The following KCNH1 variants were observed in gnomAD, a reference collection of about 807,000 sequenced individuals.
KCNH1 encodes the protein voltage-gated delayed rectifier potassium channel KCNH1.
Under a neutral mutation model 69.2 loss-of-function variants are expected in KCNH1, and 27 were observed. That is an observed-to-expected ratio of 0.39 (90% CI 0.29 to 0.54). The LOEUF is 0.54. Among genes scored for constraint, KCNH1 ranks in the 20% least tolerant of loss-of-function variants. The pLI is 0.68. For missense variants in KCNH1, 798 were observed against 1,261.6 expected (o/e 0.63, Z 5.57); for synonymous variants, 456 against 487.7 (o/e 0.93, Z 0.86).
At chr1:210,756,838 T>C (rs1683410486) in intron 10 of KCNH1, among the ~76,000 whole-genome samples, 1 of 152,192 alleles carries the variant, frequency 6.6e-6, no homozygotes, top group African/African-American at 2.4e-5. Flanking sequence ...CCTTCTGGTG[T>C]CTTCAAGCAG....
At chr1:210,836,963 T>G (rs1685295502) in intron 7 of KCNH1, among the ~76,000 whole-genome samples, 1 of 152,220 alleles carries the variant, frequency 6.6e-6, no homozygotes, top group African/African-American at 2.4e-5. Context: ...TAGCCCATTC[T>G]GTACAACATC....
At chr1:210,877,615 A>C (rs1370407842) in intron 7 of KCNH1, among the ~76,000 whole-genome samples, 1 of 152,208 alleles carries the variant, frequency 6.6e-6, no homozygotes, top group Non-Finnish European at 1.5e-5. Context: ...CATACAATTT[A>C]TTCAATCCAT....
At chr1:210,995,425 T>G (rs947290397) in intron 6 of KCNH1, among the ~76,000 whole-genome samples, 1 of 151,996 alleles carries the variant, frequency 6.6e-6, no homozygotes. Context: ...TGGGAAAAAA[T>G]AAACCCCTAT....
At chr1:211,009,566 G>A (rs922449773) in intron 6 of KCNH1, among the ~76,000 whole-genome samples, 23 of 151,794 alleles carry the variant, frequency 1.5e-4, no homozygotes, top group Non-Finnish European at 8.8e-5. Flanking sequence ...GCCACAAAGT[G>A]GATTTAGTTA....
intron 7 of KCNH1, among the ~76,000 whole-genome samples, chr1:210,824,099 A>G (rs539594205): frequency 1.3e-5 from 2 of 151,932 alleles, no homozygotes; most frequent in East Asian, 3.9e-4. Context: ...CTATACCCCG[A>G]CCTCTTGCTC....
At chr1:211,026,989 T>G (rs951711658) in intron 5 of KCNH1, among the ~76,000 whole-genome samples, 15 of 152,134 alleles carry the variant, frequency 9.9e-5, no homozygotes, top group Admixed American at 6.5e-4. Context: ...ATATTAAACC[T>G]AAAATTCAAA....
chr1:210,891,859 T>G (rs902762902), intron 7 of KCNH1, among the ~76,000 whole-genome samples: 1 of 152,160 alleles, frequency 6.6e-6, no homozygotes, highest in Admixed American at 6.5e-5. Context: ...GTGGCACATA[T>G]TCACCGTGGA....
chr1:210,914,881 G>A (rs1687304361), intron 7 of KCNH1, among the ~76,000 whole-genome samples: 1 of 152,154 alleles, frequency 6.6e-6, no homozygotes, highest in Admixed American at 6.6e-5. Flanking sequence ...CTTGGGGGTG[G>A]AGAGTGTCTG....
intron 6 of KCNH1, among the ~76,000 whole-genome samples, chr1:210,970,052 A>T (rs908638008): frequency 6.6e-6 from 1 of 151,650 alleles, no homozygotes; most frequent in African/African-American, 2.4e-5. Context: ...ACATGCCACC[A>T]CACCAAACTA....
rs1538756 is a variant in KCNH1, at chr1:210,719,980, G to A, written c.2113-35842C>T. 4.3e-3 allele frequency among the ~76,000 whole-genome samples: 653 copies of A among 152,164 alleles called. 18 individuals are homozygous for A. The East Asian group carries it at 0.048, about 11-fold the overall frequency. ...GTGTAAATGTCTGTGTGTCCCTCCC[G>A]TCTTTCCTATATTCCTCTTAAATGC... On this transcript the variant is annotated intron_variant, in intron 10 of 10. Coordinates refer to ENST00000271751, the MANE Select transcript of KCNH1 (RefSeq NM_172362.3).
chr1:210,797,571 G>A lies in KCNH1; in HGVS notation c.1852C>T (p.Leu618Phe). ...AGGGAGCCAGAAACCACAAAGCAGA[G>A]GCTGTCAACGCTCTCTCCTGCATGG... is the stretch of plus-strand genomic sequence containing the variant. ...IYHAGESVDS[L>F]CFVVSGSLEV... Residue 618 changes from leucine to phenylalanine, a missense_variant, in exon 9 of 11, where the codon CTC (leucine) becomes TTC (phenylalanine). Leu to Phe is a conservative substitution (Grantham distance 22, BLOSUM62 0). Coordinates refer to ENST00000271751, the MANE Select transcript of KCNH1 (RefSeq NM_172362.3). 6.2e-7 allele frequency: 1 copy of A among 1,614,190 alleles called. No homozygotes were observed. The highest frequency in any genetic ancestry group is 8.5e-7 in the Non-Finnish European group (1 of 1,180,034).
intron 5 of KCNH1, among the ~76,000 whole-genome samples, chr1:211,029,396 T>C (rs1359100580): frequency 3.3e-5 from 3 of 92,120 alleles, no homozygotes; most frequent in Non-Finnish European, 6.6e-5. Flanking sequence ...GCTGGCTCAA[T>C]ATTGAAAAAA....
chr1:210,859,587 C>T, intron 7 of KCNH1: 2 of 1,531,606 alleles, frequency 1.3e-6, no homozygotes, highest in Admixed American at 1.7e-5. Context: ...CATCACTCCC[C>T]AGTTCCTCGG....
chr1:211,093,475 G>A (rs1691091749), intron 3 of KCNH1, among the ~76,000 whole-genome samples: 1 of 152,038 alleles, frequency 6.6e-6, no homozygotes, highest in Non-Finnish European at 1.5e-5. Context: ...TGGTAGAGAT[G>A]GTGTTTCACT....
At chr1:211,092,141 T>C (rs1187337762) in intron 3 of KCNH1, among the ~76,000 whole-genome samples, 1 of 152,220 alleles carries the variant, frequency 6.6e-6, no homozygotes, top group Non-Finnish European at 1.5e-5. Flanking sequence ...GTGCTCAGCA[T>C]TTTACATATA....
At chr1:210,856,807 ATATAT>A (rs1456004631) in intron 7 of KCNH1, among the ~76,000 whole-genome samples, 1 of 111,758 alleles carries the variant, frequency 8.9e-6, no homozygotes, top group Non-Finnish European at 2.1e-5. Flanking sequence ...ATATTTATAT[ATATAT>A]TATATATATT....
At chr1:211,032,800 A>G (rs1571593784) in intron 5 of KCNH1, among the ~76,000 whole-genome samples, 1 of 152,256 alleles carries the variant, frequency 6.6e-6, no homozygotes, top group Non-Finnish European at 1.5e-5. Flanking sequence ...ACCTAAAACC[A>G]TAAAAACCCT....
intron 6 of KCNH1, among the ~76,000 whole-genome samples, chr1:210,979,952 G>A (rs1189433689): frequency 6.6e-6 from 1 of 152,090 alleles, no homozygotes; most frequent in African/African-American, 2.4e-5. Context: ...AATATCTTTA[G>A]CTTCTGACAA....
At chr1:211,041,497 ATCCTG>A (rs1030018012) in intron 5 of KCNH1, among the ~76,000 whole-genome samples, 1 of 152,196 alleles carries the variant, frequency 6.6e-6, no homozygotes, top group African/African-American at 2.4e-5. Context: ...TCAATGTACC[ATCCTG>A]TCTCACAACA....
Sources: gnomAD v4.1 joint callset for allele counts (sites outside exome capture counted in the v4.1 genomes callset) on GRCh38, gnomAD v4.1.1 for gene constraint, MANE v1.5 for transcripts, NCBI Gene and HGNC (gene_info 2026-07-23, HGNC 2026-07-21) for gene names.